The following SHROOM3 variants were observed in gnomAD, a reference collection of about 807,000 sequenced individuals.
SHROOM3 encodes protein Shroom3.
SHROOM3 carries 47 observed loss-of-function variants against 138.6 expected under a neutral mutation model. That is an observed-to-expected ratio of 0.34 (90% CI 0.27 to 0.43). The LOEUF (loss-of-function observed/expected upper bound fraction) is 0.43, where lower values mean the gene tolerates loss of function less well. Ranked by LOEUF, SHROOM3 falls within the 20% of genes least tolerant of loss-of-function variation. The probability of loss-of-function intolerance (pLI) is 1.00; values close to 1 mark genes in which losing one functional copy is unlikely to be tolerated. For missense variants in SHROOM3, 2,491 were observed against 2,596.5 expected, an observed-to-expected ratio of 0.96 and a Z score of 0.88; for synonymous variants, 1,062 against 1,063.3, an observed-to-expected ratio of 1.00 and a Z score of 0.02.
intron 2 of SHROOM3, among the ~76,000 whole-genome samples, chr4:76,574,505 T>G (rs1267479633): frequency 6.6e-6 from 1 of 152,178 alleles, no homozygotes; most frequent in Non-Finnish European, 1.5e-5. Context: ...TCTCTCCCTC[T>G]CTACCAACGC....
At chr4:76,656,578 T>C (rs1274129796) in intron 2 of SHROOM3, among the ~76,000 whole-genome samples, 1 of 152,204 alleles carries the variant, frequency 6.6e-6, no homozygotes, top group Non-Finnish European at 1.5e-5. Flanking sequence ...TCGACTGTAA[T>C]ATAATTGTCC....
intron 3 of SHROOM3, among the ~76,000 whole-genome samples, chr4:76,720,992 A>G (rs1364712774): frequency 6.6e-6 from 1 of 152,066 alleles, no homozygotes; most frequent in East Asian, 1.9e-4. Context: ...GGGGCAATTT[A>G]GCAGTAATTA....
chr4:76,690,901 A>C (rs1047987863), intron 2 of SHROOM3, among the ~76,000 whole-genome samples: 2 of 152,146 alleles, frequency 1.3e-5, no homozygotes, highest in Non-Finnish European at 2.9e-5. Context: ...TAAAGCTAGG[A>C]ATTGACAAGG....
chr4:76,439,205 A>G (rs1297904518), intron 1 of SHROOM3, among the ~76,000 whole-genome samples: 1 of 152,080 alleles, frequency 6.6e-6, no homozygotes, highest in Non-Finnish European at 1.5e-5. Context: ...CCATCTTCAA[A>G]GTCTGCAACA....
At chr4:76,714,880 T>C (rs77752460) in intron 3 of SHROOM3, among the ~76,000 whole-genome samples, 271 of 152,352 alleles carry the variant, frequency 1.8e-3, no homozygotes, top group African/African-American at 6.3e-3. Flanking sequence ...CTACTGTTAT[T>C]TATTTTGTTG....
intron 2 of SHROOM3, among the ~76,000 whole-genome samples, chr4:76,706,378 G>T (rs1324715079): frequency 6.6e-6 from 1 of 152,220 alleles, no homozygotes; most frequent in Non-Finnish European, 1.5e-5. Context: ...CTCCGAAAGT[G>T]CTGGGATTAC....
intron 1 of SHROOM3, among the ~76,000 whole-genome samples, chr4:76,540,916 T>G (rs1452996750): frequency 6.6e-6 from 1 of 152,212 alleles, no homozygotes; most frequent in Admixed American, 6.5e-5. Context: ...TGTGCCTATA[T>G]GTATATTTAA....
At chr4:76,473,758 C>T (rs1017592358) in intron 1 of SHROOM3, among the ~76,000 whole-genome samples, 1 of 152,054 alleles carries the variant, frequency 6.6e-6, no homozygotes, top group Non-Finnish European at 1.5e-5. Context: ...ATCAAAAATA[C>T]AATGAAGTAT....
chr4:76,690,089 T>C (rs1719478026), intron 2 of SHROOM3, among the ~76,000 whole-genome samples: 2 of 152,222 alleles, frequency 1.3e-5, no homozygotes, highest in Admixed American at 6.5e-5. Context: ...TTTGTTTCTG[T>C]AGGAAAGGCT....
At chr4:76,631,427 G>A (rs1324851440) in intron 2 of SHROOM3, among the ~76,000 whole-genome samples, 5 of 151,918 alleles carry the variant, frequency 3.3e-5, no homozygotes, top group Non-Finnish European at 7.4e-5. Flanking sequence ...TGGCCAGGCT[G>A]GTCTTGAACT....
intron 2 of SHROOM3, among the ~76,000 whole-genome samples, chr4:76,583,474 T>G (rs1345458463): frequency 6.6e-6 from 1 of 152,190 alleles, no homozygotes; most frequent in Non-Finnish European, 1.5e-5. Context: ...TAGCATCACC[T>G]TCAGTCCTCA....
At chr4:76,492,752 A>G (rs762434240) in intron 1 of SHROOM3, among the ~76,000 whole-genome samples, 2 of 152,162 alleles carry the variant, frequency 1.3e-5, no homozygotes, top group Non-Finnish European at 1.5e-5. Context: ...TAGACTTTCT[A>G]TGGTAAGACA....
rs1731279411 is a variant in SHROOM3 at position 76,467,888 on chromosome 4, A to G, written c.168+31668A>G. Among the ~76,000 whole-genome samples the G allele has an allele frequency of 2.0e-5, 3 of 152,276 alleles. No individual in the cohort carries two copies. The South Asian group carries it at 6.2e-4, about 31-fold the overall frequency. Reference sequence around the variant, plus strand: ...TTATAAGGCTGATTCCAAGGAGTGCATAAAACTTTCTAATATCTGATACTG... The same window carrying G: ...TTATAAGGCTGATTCCAAGGAGTGCGTAAAACTTTCTAATATCTGATACTG... On this transcript the variant is annotated intron_variant, in intron 1 of 10. Coordinates refer to ENST00000296043, the MANE Select transcript of SHROOM3 (RefSeq NM_020859.4).
intron 1 of SHROOM3, among the ~76,000 whole-genome samples, chr4:76,521,573 C>T (rs114634525): frequency 6.6e-6 from 1 of 152,336 alleles, no homozygotes; most frequent in Non-Finnish European, 1.5e-5. Flanking sequence ...TACCACTCTA[C>T]TTGCACAATA....
At chr4:76,695,582 C>T (rs769235453) in intron 2 of SHROOM3, among the ~76,000 whole-genome samples, 5 of 152,192 alleles carry the variant, frequency 3.3e-5, no homozygotes, top group South Asian at 2.1e-4. Flanking sequence ...CCAAATGGTA[C>T]GTTGAAAACG....
intron 2 of SHROOM3, among the ~76,000 whole-genome samples, chr4:76,564,443 C>A (rs1011030803): frequency 2.0e-5 from 3 of 152,156 alleles, no homozygotes; most frequent in African/African-American, 7.2e-5. Context: ...CCTGCTGGGA[C>A]CATTCTCAGA....
intron 5 of SHROOM3, among the ~76,000 whole-genome samples, chr4:76,743,266 C>CT (rs748748679): frequency 5.3e-5 from 8 of 152,200 alleles, no homozygotes; most frequent in South Asian, 2.1e-4. Flanking sequence ...TTGCTGCACT[C>CT]TATCACACGC....
At chr4:76,590,714 CG>C (rs1300716367) in intron 2 of SHROOM3, among the ~76,000 whole-genome samples, 1 of 151,340 alleles carries the variant, frequency 6.6e-6, no homozygotes, top group Non-Finnish European at 1.5e-5. Context: ...TTTTCTCCCC[CG>C]GGGTAGAAGT....
chr4:76,756,413 CTCTCT>C (rs745776400), intron 7 of SHROOM3, 31 bp from the exon 8 acceptor site: 1,427 of 1,508,124 alleles, frequency 9.5e-4, no homozygotes, highest in Middle Eastern at 1.3e-3. Context: ...CTTTCTCTCT[CTCTCT>C]TTTTTTTTTT....
Sources: allele counts gnomAD v4.1 joint callset (sites outside exome capture counted in the v4.1 genomes callset), GRCh38; gene constraint gnomAD v4.1.1; transcripts MANE v1.5; gene names NCBI Gene and HGNC (gene_info 2026-07-23, HGNC 2026-07-21).